ZBED6: variants seen among roughly 807,000 people sequenced by gnomAD.
ZBED6 encodes the protein zinc finger BED-type containing 6.
ZBED6 carries 40 observed loss-of-function variants against 58.4 expected under a neutral mutation model. The observed-to-expected ratio is 0.68, with a 90% CI of 0.53 to 0.89. The LOEUF (loss-of-function observed/expected upper bound fraction) is 0.89. Among genes scored for constraint, ZBED6 ranks in the 40% least tolerant of loss-of-function variants. The pLI is 0.00. For synonymous variants in ZBED6, 439 were observed against 350.6 expected (o/e 1.25, Z -2.82); for missense variants, 1,057 against 1,003.9 (o/e 1.05, Z -0.71).
At chr1:203,803,796 G>T (rs1439695002) in intron 1 of ZBED6, among the ~76,000 whole-genome samples, 1 of 152,098 alleles carries the variant, frequency 6.6e-6, no homozygotes, top group African/African-American at 2.4e-5. Flanking sequence ...TTGTAGAGAT[G>T]GAGTTGCTCT....
At position 203,818,511 on chromosome 1, in the gene ZBED6, A is replaced by G. The variant is rs769221764; in HGVS notation, c.*2754-59A>G. ...TAAATTCCAGGAGCTCTTGTTATGG[A>G]TATTTTACCTAGGATGTATTTCAAT... is the stretch of plus-strand genomic sequence containing the variant. On this transcript the variant is annotated intron_variant, in intron 2 of 16. Coordinates refer to ENST00000550078, the Ensembl canonical transcript of ZBED6. The G allele has an allele frequency of 1.6e-4, 259 of 1,607,568 alleles. 1 individual carries two copies. Among genetic ancestry groups the G allele is most frequent in the Non-Finnish European group, 2.2e-4 (253 of 1,176,604 alleles).
At chr1:203,840,243 T>A in intron 10 of ZBED6, 63 bp from the exon 11 acceptor site, 1 of 1,531,652 alleles carries the variant, frequency 6.5e-7, no homozygotes, top group Non-Finnish European at 9.0e-7. Flanking sequence ...CCAGCAAACC[T>A]GTATTTAAGC....
chr1:203,826,393 T>A (rs1206466204), intron 3 of ZBED6, among the ~76,000 whole-genome samples: 2 of 151,506 alleles, frequency 1.3e-5, no homozygotes, highest in East Asian at 3.9e-4. Context: ...TAATTCTTTT[T>A]AAAAATTATA....
intron 4 of ZBED6, chr1:203,829,214 C>G (rs570604274): frequency 3.6e-5 from 20 of 559,520 alleles, no homozygotes; most frequent in Middle Eastern, 4.4e-4. Flanking sequence ...TTCTAGTCTT[C>G]TGTTGATTCT....
exon 1 of ZBED6, chr1:203,799,559 C>T: frequency 1.4e-6 from 1 of 703,018 alleles, no homozygotes; most frequent in Non-Finnish European, 2.6e-6. Context: ...TGCTCACCTC[C>T]CTTCAGTGGA....
chr1:203,852,419 T>G lies in ZBED6; in HGVS notation c.*5152T>G, dbSNP rs1345735614. 8.7e-6 allele frequency: 14 copies of G among 1,605,506 alleles called. No individual in the cohort carries two copies. In the Admixed American group the frequency reaches 2.4e-4, roughly 28 times the overall value. On this transcript the variant is annotated 3_prime_UTR_variant, in exon 17 of 17. Transcript: ENST00000550078. ...AGCTGAAGGTGGTAGTGAGGACACT[T>G]TAAAAAAAAAATCGCCAAAAAACTG...
chr1:203,807,031 T>C (rs1365462035), intron 1 of ZBED6, among the ~76,000 whole-genome samples: 1 of 151,892 alleles, frequency 6.6e-6, no homozygotes, highest in African/African-American at 2.4e-5. Context: ...CCTTTTTGAT[T>C]ATGTAGTGTT....
At chr1:203,822,057 C>G (rs1236409437) in intron 3 of ZBED6, among the ~76,000 whole-genome samples, 1 of 151,946 alleles carries the variant, frequency 6.6e-6, no homozygotes, top group Non-Finnish European at 1.5e-5. Flanking sequence ...GTGCCTGGCC[C>G]TATGTATTTA....
chr1:203,815,216 CTTTTTTTT>C lies in ZBED6; in HGVS notation c.*2555-1701_*2555-1694del, dbSNP rs59254922. 3.1e-4 allele frequency among the ~76,000 whole-genome samples: 30 copies of C among 97,144 alleles called. No individual in the cohort carries two copies. In the Admixed American group the frequency reaches 3.4e-3, roughly 11 times the overall value. The allele number at this position is 97,144 out of a possible 152,430, so 63.7% of individuals were successfully genotyped here. A position where few individuals can be genotyped will look rare whatever the true frequency, so the allele number is the denominator to read the frequency against. Reference sequence around the variant, plus strand: ...TTCATTATTTTCTTCCTTTTCTTTTCTTTTTTTTTTTTTTTTGAGACAGTGTCTCGCTC... The same window carrying C: ...TTCATTATTTTCTTCCTTTTCTTTTCTTTTTTTTGAGACAGTGTCTCGCTC... On this transcript the variant is annotated intron_variant, in intron 1 of 16. Coordinates refer to ENST00000550078, the Ensembl canonical transcript of ZBED6.
chr1:203,850,195 AT>A, intron 14 of ZBED6, 169 bp downstream of exon 14: 1 of 693,128 alleles, frequency 1.4e-6, no homozygotes, highest in South Asian at 2.0e-5. Context: ...AACGAGATGA[AT>A]TCTTTTCTCA....
At chr1:203,824,226 C>T (rs927837874) in intron 3 of ZBED6, among the ~76,000 whole-genome samples, 1 of 150,652 alleles carries the variant, frequency 6.6e-6, no homozygotes, top group Non-Finnish European at 1.5e-5. Flanking sequence ...CGAGATTACA[C>T]CACTGTACTC....
chr1:203,819,424 G>A (rs1040208705), intron 3 of ZBED6, among the ~76,000 whole-genome samples: 3 of 150,826 alleles, frequency 2.0e-5, no homozygotes, highest in South Asian at 4.2e-4. Flanking sequence ...GTTTTACCAC[G>A]CAGGCCAGGC....
chr1:203,812,898 A>G (rs1171520947), intron 1 of ZBED6, among the ~76,000 whole-genome samples: 1 of 152,188 alleles, frequency 6.6e-6, no homozygotes, highest in Admixed American at 6.6e-5. Flanking sequence ...TAGCCATTAG[A>G]AAAGGAATTT....
At chr1:203,818,739 G>A (rs1558110352) in intron 3 of ZBED6, 50 bp downstream of exon 3, 28 of 1,610,404 alleles carry the variant, frequency 1.7e-5, no homozygotes, top group Non-Finnish European at 2.3e-5. Context: ...AGACCTGGTG[G>A]GCCAATAAAA....
exon 1 of ZBED6, chr1:203,799,089 G>A: frequency 5.2e-6 from 8 of 1,536,036 alleles, no homozygotes; most frequent in Non-Finnish European, 7.0e-6. Context: ...TAGAAAGTGG[G>A]CAGTGCTTTG....
chr1:203,851,968 CAAAAAAAAAAAA>C (rs57160781), intron 16 of ZBED6, among the ~76,000 whole-genome samples, 161 bp from the exon 17 acceptor site: 4 of 45,844 alleles, frequency 8.7e-5, no homozygotes, highest in Non-Finnish European at 1.1e-4. Flanking sequence ...GACTCTGCCT[CAAAAAAAAAAAA>C]AAAAAAAAAA....
intron 8 of ZBED6, among the ~76,000 whole-genome samples, chr1:203,832,288 C>A (rs967486670): frequency 6.6e-6 from 1 of 151,472 alleles, no homozygotes; most frequent in African/African-American, 2.4e-5. Context: ...CTCAAACTCC[C>A]GACCTCAGGT....
Position 203,847,692 on chromosome 1 carries a change from C to G in ZBED6, c.*4245+5C>G. ...TGCGAATCACCAAAAGAACAGGTAA[C>G]AAGAGAACTTGGTCTCTAGTACCAC... On this transcript the variant is annotated splice_donor_5th_base_variant and intron_variant, in intron 12 of 16. Transcript: ENST00000550078. 6.2e-7 allele frequency: 1 copy of G among 1,610,376 alleles called. No individual in the cohort carries two copies. The highest frequency in any genetic ancestry group is 1.3e-5 in the African/African-American group (1 of 74,818).
chr1:203,811,461 A>G (rs1053303025), intron 1 of ZBED6, among the ~76,000 whole-genome samples: 17 of 152,254 alleles, frequency 1.1e-4, no homozygotes, highest in South Asian at 2.1e-4. Context: ...GTTCTTTGGA[A>G]TATTGATTTT....
Sources: gnomAD v4.1 joint callset for allele counts (sites outside exome capture counted in the v4.1 genomes callset) on GRCh38, gnomAD v4.1.1 for gene constraint, MANE v1.5 for transcripts, NCBI Gene and HGNC (gene_info 2026-07-23, HGNC 2026-07-21) for gene names.